Variants in FAM13A observed in about 807,000 individuals in gnomAD.
The protein encoded by FAM13A is family with sequence similarity 13 member A, also known as protein FAM13A.
Under a neutral mutation model 129.6 loss-of-function variants are expected in FAM13A, and 76 were observed. The ratio of observed to expected loss-of-function variants is 0.59; its 90% confidence interval spans 0.49 to 0.71. FAM13A has a LOEUF of 0.71. Ranked by LOEUF, FAM13A falls within the 30% of genes least tolerant of loss-of-function variation. The pLI is 0.00. For missense variants in FAM13A, 1,108 were observed against 1,249.3 expected, an observed-to-expected ratio of 0.89 and a Z score of 1.70; for synonymous variants, 443 against 449.9, an observed-to-expected ratio of 0.98 and a Z score of 0.20.
At chr4:88,995,197 G>T (rs114190743) in intron 3 of FAM13A, among the ~76,000 whole-genome samples, 6 of 151,980 alleles carry the variant, frequency 3.9e-5, no homozygotes, top group Non-Finnish European at 8.8e-5. Context: ...TATACAAACA[G>T]TATATTTGTT....
At chr4:88,988,178 G>GA (rs966657116) in intron 4 of FAM13A, among the ~76,000 whole-genome samples, 43 of 151,334 alleles carry the variant, frequency 2.8e-4, no homozygotes, top group African/African-American at 9.2e-4. Flanking sequence ...CAATGTGGTT[G>GA]AAAAAAAAAG....
intron 1 of FAM13A, 93 bp from the exon 2 acceptor site, chr4:89,029,742 G>A (rs765446829): frequency 1.1e-5 from 11 of 1,043,134 alleles, no homozygotes; most frequent in Admixed American, 2.2e-5. Context: ...AAATGTGTTT[G>A]AAGATGAATA....
chr4:88,831,830 T>C (rs537365776), intron 7 of FAM13A, among the ~76,000 whole-genome samples: 5 of 152,294 alleles, frequency 3.3e-5, no homozygotes, highest in African/African-American at 9.6e-5. Context: ...CAAAATAATT[T>C]ATAGATTCAA....
chr4:88,991,109 T>C lies in FAM13A; in HGVS notation c.469A>G (p.Ile157Val), dbSNP rs201294031. Residue 157 changes from isoleucine (I) to valine (V), a missense_variant, in exon 4 of 24, where the codon ATA becomes GTA. By Grantham distance (29) the Ile-to-Val change is conservative (BLOSUM62 3). Coordinates refer to ENST00000264344, the MANE Select transcript of FAM13A (RefSeq NM_014883.4). ...DVQESSLRDL[I>V]KELPDTHYCL... ...TAGTGGGTGTCTGGCAGCTCTTTTA[T>C]TAAGTCTCTTAAGCTACTCTCCTGA... 6.2e-7 allele frequency: 1 copy of C among 1,613,860 alleles called. No homozygotes were observed. The highest frequency in any genetic ancestry group is 1.1e-5 in the South Asian group (1 of 91,064).
At chr4:88,879,435 G>A (rs936941509) in intron 6 of FAM13A, among the ~76,000 whole-genome samples, 6 of 152,140 alleles carry the variant, frequency 3.9e-5, no homozygotes, top group African/African-American at 9.6e-5. Context: ...TGTATTATAT[G>A]CACAATCTTG....
At chr4:89,036,122 GAAA>G (rs779320016) in intron 1 of FAM13A, among the ~76,000 whole-genome samples, 3 of 152,142 alleles carry the variant, frequency 2.0e-5, no homozygotes, top group Non-Finnish European at 4.4e-5. Context: ...GGGCACAGAA[GAAA>G]AAAGATGAAG....
chr4:88,961,625 C>T (rs1758634088), intron 4 of FAM13A, among the ~76,000 whole-genome samples: 1 of 152,034 alleles, frequency 6.6e-6, no homozygotes, highest in Non-Finnish European at 1.5e-5. Flanking sequence ...CCTCAGCCTC[C>T]CAGAGTGTTG....
chr4:88,780,984 C>T (rs1488102893), intron 11 of FAM13A, among the ~76,000 whole-genome samples, 181 bp downstream of exon 11: 1 of 150,764 alleles, frequency 6.6e-6, no homozygotes, highest in African/African-American at 2.4e-5. Context: ...TATAATATTT[C>T]TCGGCCTTAA....
At chr4:88,910,265 T>C (rs565502396) in intron 5 of FAM13A, among the ~76,000 whole-genome samples, 1 of 152,168 alleles carries the variant, frequency 6.6e-6, no homozygotes. Flanking sequence ...TTAATGACCT[T>C]TGCACAACAC....
At chr4:88,748,855 G>A (rs559433350) in intron 17 of FAM13A, 97 bp downstream of exon 17, 19 of 862,894 alleles carry the variant, frequency 2.2e-5, no homozygotes, top group South Asian at 1.2e-4. Flanking sequence ...TTTAAGGACC[G>A]GGGAATGCCT....
At chr4:88,788,019 T>C in intron 9 of FAM13A, 87 bp from the exon 10 acceptor site, 2 of 1,035,022 alleles carry the variant, frequency 1.9e-6, no homozygotes, top group African/African-American at 1.6e-5. Flanking sequence ...TTTGGGAACA[T>C]CTGTATTTCC....
chr4:88,732,670 TACA>T (rs1738093724), intron 21 of FAM13A: 1 of 151,824 alleles, frequency 6.6e-6, no homozygotes, highest in Non-Finnish European at 1.5e-5. Flanking sequence ...TCTGAAATAA[TACA>T]ACATTTCTAT....
intron 4 of FAM13A, among the ~76,000 whole-genome samples, chr4:88,952,914 C>G (rs1757168537): frequency 6.6e-6 from 1 of 152,116 alleles, no homozygotes; most frequent in African/African-American, 2.4e-5. Context: ...TGCCACTGCA[C>G]TCCAGCATGG....
chr4:88,985,602 C>T (rs961442918), intron 4 of FAM13A, among the ~76,000 whole-genome samples: 4 of 152,112 alleles, frequency 2.6e-5, no homozygotes, highest in Admixed American at 2.0e-4. Context: ...TGCTAACAGA[C>T]ATGTAACACT....
In FAM13A at chr4:89,020,584, G is replaced by A. The variant is rs545352886; in HGVS notation, c.303C>T (p.Pro101=). 70 of 1,613,898 alleles carry A rather than the reference G, an allele frequency of 4.3e-5. No individual in the cohort carries two copies. In the South Asian group the frequency reaches 5.6e-4, roughly 13 times the overall value. The stretch of plus-strand genomic sequence containing the variant: ...CATCACCGTCCTTCCCGAGCTCCAC[G>A]GGCACTCCACTCTCGAACTTCAGTC... The part of the protein sequence containing the change: ...QLRLKFESGV[P]VELGKDGDVC... The change falls in exon 3 of 24, where the codon CCC becomes CCT. Residue 101 remains proline (P), a synonymous_variant. Coordinates refer to ENST00000264344, the MANE Select transcript of FAM13A (RefSeq NM_014883.4).
intron 4 of FAM13A, among the ~76,000 whole-genome samples, chr4:88,946,612 T>C (rs549436608): frequency 2.6e-4 from 39 of 152,236 alleles, no homozygotes; most frequent in African/African-American, 9.1e-4. Flanking sequence ...TAGATAAATA[T>C]GCTGGGTATT....
intron 7 of FAM13A, 44 bp downstream of exon 7, chr4:88,850,976 G>C: frequency 1.3e-6 from 2 of 1,588,146 alleles, no homozygotes; most frequent in African/African-American, 1.3e-5. Flanking sequence ...ACATAAGAGC[G>C]AATAATGCAA....
chr4:89,000,610 T>C (rs1764130576), intron 3 of FAM13A, among the ~76,000 whole-genome samples: 1 of 152,210 alleles, frequency 6.6e-6, no homozygotes, highest in Non-Finnish European at 1.5e-5. Flanking sequence ...ATAATGGTGA[T>C]GGTTGCACTT....
At chr4:88,802,832 G>A (rs1303395841) in intron 8 of FAM13A, among the ~76,000 whole-genome samples, 1 of 152,078 alleles carries the variant, frequency 6.6e-6, no homozygotes, top group African/African-American at 2.4e-5. Flanking sequence ...CTCCACTCCA[G>A]TAGCAGGATT....
Sources: allele counts gnomAD v4.1 joint callset (sites outside exome capture counted in the v4.1 genomes callset), GRCh38; gene constraint gnomAD v4.1.1; transcripts MANE v1.5; gene names NCBI Gene and HGNC (gene_info 2026-07-23, HGNC 2026-07-21).